PCDHGB1: variants seen among roughly 807,000 people sequenced by gnomAD.
PCDHGB1 encodes protocadherin gamma subfamily B, 1.
In PCDHGB1, 34 loss-of-function variants were observed where a neutral mutation model predicts 56.6. The ratio of observed to expected loss-of-function variants is 0.60; its 90% CI spans 0.46 to 0.80. The LOEUF (loss-of-function observed/expected upper bound fraction) is 0.80. Among genes scored for constraint, PCDHGB1 ranks in the 30% least tolerant of loss-of-function variants. The probability of loss-of-function intolerance (pLI) is 0.00; values close to 1 mark genes in which losing one functional copy is unlikely to be tolerated. For synonymous variants in PCDHGB1, 561 were observed against 505.9 expected (o/e 1.11, Z -1.46); for missense variants, 1,278 against 1,204.6 (o/e 1.06, Z -0.90).
chr5:141,423,474 T>C, intron 1 of PCDHGB1: 1 of 1,614,004 alleles, frequency 6.2e-7, no homozygotes, highest in Non-Finnish European at 8.5e-7. Flanking sequence ...GGGTACAGGC[T>C]TTCCTGCAAA....
chr5:141,437,156 G>T (rs2097864365), intron 1 of PCDHGB1, among the ~76,000 whole-genome samples: 1 of 152,172 alleles, frequency 6.6e-6, no homozygotes, highest in African/African-American at 2.4e-5. Context: ...TAACATATGT[G>T]TTGATTGTTT....
intron 1 of PCDHGB1, chr5:141,361,206 G>A (rs781055264): frequency 6.2e-7 from 1 of 1,613,902 alleles, no homozygotes; most frequent in Non-Finnish European, 8.5e-7. Context: ...CTCCCCTACC[G>A]GAGGATTCGC....
At position 141,351,516 on chromosome 5, in the gene PCDHGB1, T is replaced by A; in HGVS notation, c.1256T>A (p.Ile419Lys). 6.2e-7 allele frequency: 1 copy of A among 1,613,972 alleles called. No individual in the cohort carries two copies. The highest frequency in any genetic ancestry group is 1.6e-4 in the Middle Eastern group (1 of 6,062). ...EQTADYNVTI[I>K]ATDKGKPALS... ...ACAGCAGACTACAACGTCACAATCA[T>A]AGCCACCGACAAGGGCAAACCAGCC... is the stretch of plus-strand genomic sequence containing the variant. Residue 419 changes from isoleucine (I) to lysine (K), a missense_variant, in exon 1 of 4, where the codon ATA becomes AAA. Transcript: ENST00000523390.
intron 1 of PCDHGB1, chr5:141,374,190 C>T: frequency 6.2e-7 from 1 of 1,613,820 alleles, no homozygotes; most frequent in Non-Finnish European, 8.5e-7. Context: ...TACTCTATTC[C>T]CGAGGAGCTG....
At position 141,505,383 on chromosome 5, in the gene PCDHGB1, C is replaced by G. The variant is rs369765886; in HGVS notation, c.2469-10C>G. On this transcript the variant is annotated splice_polypyrimidine_tract_variant and intron_variant, in intron 2 of 3. Transcript: ENST00000523390. ...GGGAGTCTGTGCTCACCATCCTACT[C>G]TCTCCCCAGCTCCCAAAATGGCGAT... The G allele has an allele frequency of 6.2e-7, 1 of 1,613,944 alleles. No homozygotes were observed. The highest frequency in any genetic ancestry group is 1.3e-5 in the African/African-American group (1 of 74,914).
intron 2 of PCDHGB1, among the ~76,000 whole-genome samples, chr5:141,504,355 C>T (rs974022699): frequency 6.6e-6 from 1 of 152,078 alleles, no homozygotes; most frequent in Non-Finnish European, 1.5e-5. Flanking sequence ...GTGCTAGGTG[C>T]TTCAGTAGGA....
intron 1 of PCDHGB1, among the ~76,000 whole-genome samples, chr5:141,439,139 G>T (rs2098090438): frequency 6.6e-6 from 1 of 150,672 alleles, no homozygotes; most frequent in South Asian, 2.1e-4. Flanking sequence ...GTTGCAGTGA[G>T]CTGAGATCAC....
chr5:141,364,866 C>A (rs749361969), intron 1 of PCDHGB1: 1 of 1,614,016 alleles, frequency 6.2e-7, no homozygotes, highest in Non-Finnish European at 8.5e-7. Context: ...CTGCACTTCT[C>A]TCTGGATGTG....
intron 1 of PCDHGB1, chr5:141,398,587 C>G: frequency 6.2e-7 from 1 of 1,613,860 alleles, no homozygotes; most frequent in Non-Finnish European, 8.5e-7. Context: ...AAGATTTATA[C>G]TAGAAGTAGC....
chr5:141,404,680 G>A (rs2094553624), intron 1 of PCDHGB1: 2 of 1,614,042 alleles, frequency 1.2e-6, no homozygotes, highest in Non-Finnish European at 1.7e-6. Context: ...CTGGTGTGGA[G>A]CTGGCACCCC....
intron 1 of PCDHGB1, chr5:141,370,676 G>A (rs772923764): frequency 1.9e-6 from 3 of 1,613,892 alleles, no homozygotes; most frequent in Non-Finnish European, 2.5e-6. Context: ...ACCGAGAGGA[G>A]ATTTGTGGCA....
chr5:141,389,850 GC>G (rs757946267), intron 1 of PCDHGB1: 1 of 1,614,070 alleles, frequency 6.2e-7, no homozygotes, highest in Non-Finnish European at 8.5e-7. Context: ...CTCGGCCACT[GC>G]CACGTTGCAC....
At chr5:141,415,804 A>C in intron 1 of PCDHGB1, 1 of 1,366,960 alleles carries the variant, frequency 7.3e-7, no homozygotes, top group Non-Finnish European at 9.4e-7. Flanking sequence ...AGTCTCAATC[A>C]AGGCCTATAT....
intron 1 of PCDHGB1, chr5:141,366,743 C>CGAGTT: frequency 6.2e-7 from 1 of 1,611,598 alleles, no homozygotes; most frequent in Non-Finnish European, 8.5e-7. Flanking sequence ...AGAAGAACGG[C>CGAGTT]GAGTTCAGGT....
chr5:141,445,188 G>A (rs1267342449), intron 1 of PCDHGB1, among the ~76,000 whole-genome samples: 5 of 152,198 alleles, frequency 3.3e-5, no homozygotes, highest in South Asian at 2.1e-4. Flanking sequence ...ATGTTTTTAT[G>A]TATTCTATAT....
At chr5:141,417,795 T>C in intron 1 of PCDHGB1, 1 of 1,483,780 alleles carries the variant, frequency 6.7e-7, no homozygotes, top group Non-Finnish European at 9.0e-7. Context: ...AATGCTCTTT[T>C]AGCGCGGTAG....
intron 1 of PCDHGB1, chr5:141,419,335 T>C: frequency 6.2e-7 from 1 of 1,613,886 alleles, no homozygotes; most frequent in Non-Finnish European, 8.5e-7. Context: ...ACTCTCTCAT[T>C]GCCAGCGACC....
chr5:141,357,744 A>C, intron 1 of PCDHGB1: 1 of 1,224,260 alleles, frequency 8.2e-7, no homozygotes, highest in East Asian at 2.5e-5. Context: ...TATTGCTTTA[A>C]AGAAAACTGG....
chr5:141,421,187 A>G (rs745843422), intron 1 of PCDHGB1: 5 of 1,473,698 alleles, frequency 3.4e-6, no homozygotes, highest in Non-Finnish European at 4.5e-6. Context: ...TTCACAACCA[A>G]CCAGCTCGAG....
Sources: gnomAD v4.1 joint callset for allele counts (sites outside exome capture counted in the v4.1 genomes callset) on GRCh38, gnomAD v4.1.1 for gene constraint, MANE v1.5 for transcripts, NCBI Gene and HGNC (gene_info 2026-07-23, HGNC 2026-07-21) for gene names.